The following POLN variants were observed in gnomAD, a reference collection of about 807,000 sequenced individuals.
The protein encoded by POLN is DNA polymerase N.
In POLN, 108 loss-of-function variants were observed where a neutral mutation model predicts 113.5. That is an observed-to-expected ratio of 0.95 (90% CI 0.81 to 1.12). The LOEUF is 1.12. Ranked by LOEUF, POLN falls within the 50% of genes most tolerant of loss-of-function variation. POLN has a pLI of 0.00. For missense variants in POLN, 1,097 were observed against 1,077.1 expected, an observed-to-expected ratio of 1.02 and a Z score of -0.26; for synonymous variants, 386 against 391.5, an observed-to-expected ratio of 0.99 and a Z score of 0.17.
intron 9 of POLN, among the ~76,000 whole-genome samples, chr4:2,176,014 A>T (rs1732985995): frequency 6.6e-6 from 1 of 152,222 alleles, no homozygotes; most frequent in African/African-American, 2.4e-5. Flanking sequence ...TAACTATGGC[A>T]TTGGAAACAT....
At chr4:2,134,821 C>T (rs996646468) in intron 16 of POLN, among the ~76,000 whole-genome samples, 1 of 152,218 alleles carries the variant, frequency 6.6e-6, no homozygotes, top group Non-Finnish European at 1.5e-5. Context: ...TCCAGGAGCA[C>T]CTCACACATA....
intron 3 of POLN, among the ~76,000 whole-genome samples, chr4:2,214,544 CA>C (rs1734067739): frequency 1.3e-5 from 2 of 151,986 alleles, no homozygotes; most frequent in East Asian, 1.9e-4. Flanking sequence ...TAGGAAGAGG[CA>C]ATACACAAAA....
intron 13 of POLN, among the ~76,000 whole-genome samples, chr4:2,167,463 G>C (rs1263765074): frequency 6.6e-6 from 1 of 152,120 alleles, no homozygotes; most frequent in African/African-American, 2.4e-5. Context: ...GACCAGCTAG[G>C]TACCACAGGA....
At chr4:2,157,099 C>T (rs1358121044) in intron 15 of POLN, among the ~76,000 whole-genome samples, 2 of 152,182 alleles carry the variant, frequency 1.3e-5, no homozygotes, top group Non-Finnish European at 2.9e-5. Context: ...CTTTATGTCA[C>T]TTACAAATCC....
intron 7 of POLN, among the ~76,000 whole-genome samples, chr4:2,184,654 T>C (rs1255998524): frequency 6.6e-6 from 1 of 152,228 alleles, no homozygotes; most frequent in Non-Finnish European, 1.5e-5. Context: ...TTCTGGTCTC[T>C]AAATGCCATT....
chr4:2,112,005 C>T (rs1220227997), intron 19 of POLN, among the ~76,000 whole-genome samples: 4 of 152,144 alleles, frequency 2.6e-5, no homozygotes, highest in African/African-American at 9.7e-5. Flanking sequence ...GCTACAGTAA[C>T]CAAAACAGCA....
chr4:2,189,434 A>T (rs28810123), intron 7 of POLN, among the ~76,000 whole-genome samples: 37,407 of 148,064 alleles, frequency 0.25, 7,150 homozygotes, highest in African/African-American at 0.52. Context: ...GGTCAGGAGA[A>T]CGAGACCATC....
intron 16 of POLN, among the ~76,000 whole-genome samples, chr4:2,137,627 GC>G (rs747321243): frequency 4.7e-4 from 71 of 152,166 alleles, no homozygotes; most frequent in Non-Finnish European, 7.8e-4. Flanking sequence ...CACTCCCGTG[GC>G]CCCCCTCACC....
At chr4:2,151,858 A>G (rs1732304154) in intron 16 of POLN, among the ~76,000 whole-genome samples, 1 of 152,178 alleles carries the variant, frequency 6.6e-6, no homozygotes, top group South Asian at 2.1e-4. Context: ...AAGAGACACA[A>G]GGATACTTTT....
At chr4:2,240,917 T>C in intron 2 of POLN, 2 of 1,600,454 alleles carry the variant, frequency 1.2e-6, no homozygotes, top group East Asian at 2.2e-5. Flanking sequence ...TTTTTTTTAA[T>C]GTTTCCACAA....
At chr4:2,146,931 A>T (rs1732158695) in intron 16 of POLN, among the ~76,000 whole-genome samples, 1 of 152,238 alleles carries the variant, frequency 6.6e-6, no homozygotes. Flanking sequence ...TAGTACAAAC[A>T]TGCTAATGCA....
intron 8 of POLN, among the ~76,000 whole-genome samples, chr4:2,176,958 C>T (rs1733012626): frequency 6.6e-6 from 1 of 152,190 alleles, no homozygotes; most frequent in African/African-American, 2.4e-5. Context: ...CTCCAGCCCA[C>T]TCAGACCCAA....
rs546841438 is a variant in POLN at position 2,072,303 on chromosome 4, C to G, written c.2518-4G>C. 1 of 1,555,446 alleles carries G rather than the reference C, an allele frequency of 6.4e-7. No individual in the cohort carries two copies. Among genetic ancestry groups the G allele is most frequent in the Non-Finnish European group, 8.7e-7 (1 of 1,153,734 alleles). ...TCAGGCTCACCTTGAGGGGTACCTG[C>G]AGGTGGCAGCCAGAGGTGAGCCCCA... On this transcript the variant is annotated splice_polypyrimidine_tract_variant and splice_region_variant and intron_variant, in intron 25 of 25. Coordinates refer to ENST00000511885, the MANE Select transcript of POLN (RefSeq NM_181808.4).
chr4:2,142,699 A>G (rs1732032569), intron 16 of POLN, among the ~76,000 whole-genome samples: 1 of 152,194 alleles, frequency 6.6e-6, no homozygotes, highest in South Asian at 2.1e-4. Context: ...ACAAAACCTA[A>G]CAAAAGCCTG....
intron 3 of POLN, among the ~76,000 whole-genome samples, chr4:2,222,463 G>A (rs1734282862): frequency 6.6e-6 from 1 of 151,932 alleles, no homozygotes; most frequent in South Asian, 2.1e-4. Flanking sequence ...CCTGAGGTCC[G>A]GAGGCGGAGG....
At position 2,126,443 on chromosome 4, in the gene POLN, C is replaced by G. The variant is rs1175869136; in HGVS notation, c.1982+1670G>C. On this transcript the variant is annotated intron_variant, in intron 19 of 25. Coordinates refer to ENST00000511885, the MANE Select transcript of POLN (RefSeq NM_181808.4). This position sits in a 1 kb window ranked among gnomAD's most constrained non-coding sequence, Gnocchi z 4.6. ...TGACAAATCCTTTGTGAGTCCCCACCCTTTGTGGAGCACAGTAGGGACGAG... is the reference window on the plus strand; with the variant it reads ...TGACAAATCCTTTGTGAGTCCCCACGCTTTGTGGAGCACAGTAGGGACGAG... 6.6e-6 allele frequency among the ~76,000 whole-genome samples: 1 copy of G among 152,160 alleles called. No individual in the cohort carries two copies. The highest frequency in any genetic ancestry group is 1.5e-5 in the Non-Finnish European group (1 of 68,038).
At chr4:2,081,121 C>A (rs1172007696) in intron 22 of POLN, 85 bp from the exon 23 acceptor site, 2 of 1,606,866 alleles carry the variant, frequency 1.2e-6, no homozygotes, top group South Asian at 1.1e-5. Context: ...CCACAGCTCT[C>A]ACGGTACCTC....
intron 21 of POLN, 87 bp downstream of exon 21, chr4:2,085,526 C>A (rs35472254): frequency 6.4e-6 from 10 of 1,563,850 alleles, no homozygotes; most frequent in Non-Finnish European, 8.7e-6. Flanking sequence ...ACCCAGGGCC[C>A]GCCTGCACAC....
In POLN at chr4:2,242,046, G is replaced by C. The variant is rs1399408570; in HGVS notation, c.-284+5C>G. ...GCGCCCAGAACCGAGGCCCGCGTCA[G>C]TCACCTCAGGAAGTTCCGCTTGCTT... On this transcript the variant is annotated splice_donor_5th_base_variant and intron_variant, in intron 1 of 25. Transcript: ENST00000511885. 3 of 985,506 alleles carry C rather than the reference G, an allele frequency of 3.0e-6. No individual in the cohort carries two copies. The highest frequency in any genetic ancestry group is 2.3e-4 in the East Asian group (2 of 8,826). 61.0% of individuals were successfully genotyped at this position (985,506 alleles called of 1,614,324 possible).
Sources: allele counts gnomAD v4.1 joint callset (sites outside exome capture counted in the v4.1 genomes callset), GRCh38; gene constraint gnomAD v4.1.1; non-coding constraint Gnocchi (gnomAD v3.1); transcripts MANE v1.5; gene names NCBI Gene and HGNC (gene_info 2026-07-23, HGNC 2026-07-21).